STK3: variants seen among roughly 807,000 people sequenced by gnomAD.
STK3 encodes the protein serine/threonine kinase 3, also known as serine/threonine-protein kinase 3.
STK3 carries 41 observed loss-of-function variants against 58.0 expected under a neutral mutation model. That is an observed-to-expected ratio of 0.71 (90% CI 0.55 to 0.92). The LOEUF (loss-of-function observed/expected upper bound fraction) is 0.92. Ranked by LOEUF, STK3 falls within the 40% of genes least tolerant of loss-of-function variation. The probability of loss-of-function intolerance (pLI) is 0.00; values close to 1 mark genes in which losing one functional copy is unlikely to be tolerated. For missense variants in STK3, 479 were observed against 602.7 expected (o/e 0.79, Z 2.15); for synonymous variants, 170 against 191.0 (o/e 0.89, Z 0.91).
intron 9 of STK3, among the ~76,000 whole-genome samples, chr8:98,532,236 T>C (rs1326607469): frequency 2.0e-5 from 3 of 152,168 alleles, no homozygotes; most frequent in Non-Finnish European, 4.4e-5. Context: ...CCTTTCACTT[T>C]AGCACATAGA....
chr8:98,891,829 G>C (rs1838211973), intron 1 of STK3, among the ~76,000 whole-genome samples: 1 of 152,088 alleles, frequency 6.6e-6, no homozygotes, highest in Non-Finnish European at 1.5e-5. Flanking sequence ...GCCGGGGGTT[G>C]GACTCAAGTC....
chr8:98,695,575 T>G (rs1206568705), intron 6 of STK3, among the ~76,000 whole-genome samples: 1 of 152,202 alleles, frequency 6.6e-6, no homozygotes, highest in Non-Finnish European at 1.5e-5. Context: ...GGCTAGCCAG[T>G]TTTCCCAGCA....
intron 1 of STK3, among the ~76,000 whole-genome samples, chr8:98,790,983 CAA>C (rs749265270): frequency 1.8e-4 from 19 of 106,254 alleles, no homozygotes; most frequent in Admixed American, 2.0e-4. Context: ...GACTCCGTCT[CAA>C]AAAAAAAAAA....
intron 10 of STK3, among the ~76,000 whole-genome samples, chr8:98,458,135 A>G (rs1819642572): frequency 6.7e-6 from 1 of 148,740 alleles, no homozygotes; most frequent in African/African-American, 2.5e-5. Context: ...ACACACACAC[A>G]TGTGCACACA....
rs1199301704 is a variant in STK3, at chr8:98,455,537, T to A, written c.*305A>T. On this transcript the variant is annotated 3_prime_UTR_variant, in exon 11 of 11. Coordinates refer to ENST00000419617, the MANE Select transcript of STK3 (RefSeq NM_006281.4). ...CCTTCAGTGCTGTACAATGCAACAA[T>A]AGCTTTGGATTTTCAAGGTTTAGAG... 2 of 356,506 alleles carry A rather than the reference T, an allele frequency of 5.6e-6. No individual in the cohort carries two copies. Among genetic ancestry groups the A allele is most frequent in the Non-Finnish European group, 1.0e-5 (2 of 193,976 alleles). 22.1% of individuals were successfully genotyped at this position (356,506 alleles called of 1,614,324 possible).
chr8:98,355,909 C>T, the STK3 span, among the ~76,000 whole-genome samples: 2 of 152,218 alleles, frequency 1.3e-5, no homozygotes, highest in African/African-American at 4.8e-5. Context: ...GGTGAAGGGG[C>T]TTCTAAGATG....
chr8:98,643,451 G>A, intron 6 of STK3, among the ~76,000 whole-genome samples: 1 of 152,084 alleles, frequency 6.6e-6, no homozygotes, highest in East Asian at 1.9e-4. Context: ...TACCCCAGAT[G>A]GCTCACTCCC....
chr8:98,812,627 G>A lies in STK3; in HGVS notation c.26+12888C>T, dbSNP rs191048419. Among the ~76,000 whole-genome samples, 1,323 of 152,308 alleles carry A rather than the reference G, an allele frequency of 8.7e-3. 12 individuals are homozygous for A. Among genetic ancestry groups the A allele is most frequent in the African/African-American group, 0.03 (1,246 of 41,556 alleles). On this transcript the variant is annotated intron_variant, in intron 1 of 10. Coordinates refer to ENST00000419617, the MANE Select transcript of STK3 (RefSeq NM_006281.4). ...CACAATTCACAATAGCGAAGACTTG[G>A]AACCAACCCAGATGTCCATCAATGA...
intron 4 of STK3, among the ~76,000 whole-genome samples, chr8:98,716,874 A>G (rs939335057): frequency 6.6e-6 from 1 of 152,194 alleles, no homozygotes; most frequent in African/African-American, 2.4e-5. Flanking sequence ...CCTTGTATAT[A>G]TAATCAAATT....
chr8:98,487,952 C>T (rs1822399680), intron 10 of STK3, among the ~76,000 whole-genome samples: 1 of 152,188 alleles, frequency 6.6e-6, no homozygotes, highest in African/African-American at 2.4e-5. Flanking sequence ...TCATGCCTTC[C>T]ATTCAACGTA....
At chr8:98,503,764 A>G (rs905910135) in intron 10 of STK3, among the ~76,000 whole-genome samples, 1 of 152,304 alleles carries the variant, frequency 6.6e-6, no homozygotes, top group Non-Finnish European at 1.5e-5. Flanking sequence ...GTGGTCTGAG[A>G]GACAGTTTGT....
intron 3 of STK3, chr8:98,430,787 A>G (rs1818315290): frequency 6.0e-6 from 1 of 167,116 alleles, no homozygotes; most frequent in Non-Finnish European, 1.5e-5. Context: ...AAAAACTGCT[A>G]GTTCATAAAA....
chr8:98,496,864 T>C (rs1015493993), intron 10 of STK3, among the ~76,000 whole-genome samples: 1 of 152,064 alleles, frequency 6.6e-6, no homozygotes. Flanking sequence ...ATTTGTAAGA[T>C]GAAAAAGTTC....
chr8:98,940,078 G>A (rs556725838), intron 1 of STK3, among the ~76,000 whole-genome samples: 1 of 152,056 alleles, frequency 6.6e-6, no homozygotes, highest in Non-Finnish European at 1.5e-5. Flanking sequence ...TGGAGTCACC[G>A]GAAGGCGAAA....
At chr8:98,430,530 C>A (rs117180256) in intron 3 of STK3, 1 of 167,062 alleles carries the variant, frequency 6.0e-6, no homozygotes, top group East Asian at 1.9e-4. Flanking sequence ...TATTTCCAAG[C>A]AGAATTTAGT....
At chr8:98,615,005 G>C (rs1817562023) in intron 6 of STK3, among the ~76,000 whole-genome samples, 1 of 152,198 alleles carries the variant, frequency 6.6e-6, no homozygotes, top group South Asian at 2.1e-4. Flanking sequence ...ACGTCTAGGG[G>C]CAGGGCACAG....
In STK3 at chr8:98,477,702, C is replaced by CGGGCG. The variant is rs1821441753; in HGVS notation, c.1318-21703_1318-21702insCGCCC. 8.8e-4 allele frequency among the ~76,000 whole-genome samples: 2 copies of CGGGCG among 2,280 alleles called. 1 individual carries two copies. Among genetic ancestry groups the CGGGCG allele is most frequent in the South Asian group, 0.05 (2 of 40 alleles). The allele number at this position is 2,280 out of a possible 152,430, so 1.5% of individuals were successfully genotyped here. A position where few individuals can be genotyped will look rare whatever the true frequency, so the allele number is the denominator to read the frequency against. ...AGCCTCGCATAATCATCACACTTGG[C>CGGGCG]GGGGGGGGGGGGGGTGGGCGGGGGG... On this transcript the variant is annotated intron_variant, in intron 10 of 10. Coordinates refer to ENST00000419617, the MANE Select transcript of STK3 (RefSeq NM_006281.4).
At chr8:98,349,400 C>T in the STK3 span, among the ~76,000 whole-genome samples, 1 of 152,318 alleles carries the variant, frequency 6.6e-6, no homozygotes, top group African/African-American at 2.4e-5. Context: ...GTGTGGCCTC[C>T]CTCCCAGCTG....
intron 10 of STK3, among the ~76,000 whole-genome samples, chr8:98,499,538 T>C (rs1563669212): frequency 6.6e-6 from 1 of 152,062 alleles, no homozygotes; most frequent in African/African-American, 2.4e-5. Flanking sequence ...TGGTAGAAAT[T>C]TGAACATTAA....
Sources: allele counts gnomAD v4.1 joint callset (sites outside exome capture counted in the v4.1 genomes callset), GRCh38; gene constraint gnomAD v4.1.1; transcripts MANE v1.5; gene names NCBI Gene and HGNC (gene_info 2026-07-23, HGNC 2026-07-21).